FADS2: variants seen among roughly 807,000 people sequenced by gnomAD.
FADS2 encodes the protein fatty acid desaturase 2.
FADS2 carries 18 observed loss-of-function variants against 61.2 expected under a neutral mutation model. The observed-to-expected ratio is 0.29, with a 90% confidence interval of 0.20 to 0.44. FADS2 has a LOEUF of 0.44. Among genes scored for constraint, FADS2 ranks in the 20% least tolerant of loss-of-function variants. The probability of loss-of-function intolerance (pLI) is 1.00; values close to 1 mark genes in which losing one functional copy is unlikely to be tolerated. For synonymous variants in FADS2, 203 were observed against 223.9 expected, an observed-to-expected ratio of 0.91 and a Z score of 0.83; for missense variants, 322 against 572.7, an observed-to-expected ratio of 0.56 and a Z score of 4.47.
intron 6 of FADS2, 126 bp downstream of exon 6, chr11:61,857,197 G>T: frequency 1.2e-6 from 1 of 862,858 alleles, no homozygotes; most frequent in East Asian, 2.5e-5. Context: ...AGAAGCGGGG[G>T]CCACAGCAGC....
chr11:61,829,009 G>T (rs1360418856), intron 1 of FADS2, among the ~76,000 whole-genome samples: 1 of 152,256 alleles, frequency 6.6e-6, no homozygotes, highest in African/African-American at 2.4e-5. Flanking sequence ...GAGCGGGAGC[G>T]CAGGCAGCCA....
Position 61,857,523 on chromosome 11 carries a change from A to G in FADS2, c.875A>G (p.Asn292Ser). The change falls in exon 7 of 12, where the codon AAC (asparagine) becomes AGC (serine). Residue 292 changes from asparagine to serine, a missense_variant. Coordinates refer to ENST00000278840, the MANE Select transcript of FADS2 (RefSeq NM_004265.4). ...ATCATGACCATGATCGTCCATAAGA[A>G]CTGGGTGGTGAGTTGGGGACACAGC... Reference protein sequence around the residue: ...QIIMTMIVHKNWVDLAWAVSY... With the variant: ...QIIMTMIVHKSWVDLAWAVSY... The G allele has an allele frequency of 6.2e-7, 1 of 1,612,980 alleles. No homozygotes were observed. The highest frequency in any genetic ancestry group is 8.5e-7 in the Non-Finnish European group (1 of 1,179,200).
At chr11:61,844,671 A>G (rs538616517) in intron 4 of FADS2, among the ~76,000 whole-genome samples, 16 of 152,102 alleles carry the variant, frequency 1.1e-4, no homozygotes, top group Non-Finnish European at 2.2e-4. Flanking sequence ...CACGCCTGTA[A>G]TCCCAGCACT....
chr11:61,860,200 G>A (rs368882035), intron 7 of FADS2, among the ~76,000 whole-genome samples: 19 of 152,218 alleles, frequency 1.2e-4, no homozygotes, highest in African/African-American at 4.1e-4. Flanking sequence ...TCTGGTGGGC[G>A]TCTAGCCAGG....
chr11:61,838,547 T>C (rs2067193767), intron 2 of FADS2, among the ~76,000 whole-genome samples: 1 of 151,862 alleles, frequency 6.6e-6, no homozygotes, highest in African/African-American at 2.4e-5. Context: ...CTCAGCAAGC[T>C]CTTCCTCCTC....
chr11:61,820,442 G>A (rs767440017), intron 1 of FADS2, among the ~76,000 whole-genome samples: 2 of 152,078 alleles, frequency 1.3e-5, no homozygotes, highest in African/African-American at 4.8e-5. Context: ...ACATGACTTT[G>A]CATTCATGTT....
At chr11:61,853,652 G>C (rs891789767) in intron 5 of FADS2, among the ~76,000 whole-genome samples, 1 of 152,042 alleles carries the variant, frequency 6.6e-6, no homozygotes, top group Non-Finnish European at 1.5e-5. Flanking sequence ...TGGGCTTCCT[G>C]CTTGAGGCAG....
chr11:61,828,466 A>G lies in FADS2; in HGVS notation c.76A>G (p.Ile26Val). Reference protein sequence around the residue: ...VSVPTFSWEEIQKHNLRTDRW... With the variant: ...VSVPTFSWEEVQKHNLRTDRW... ...GGTGCCCACCTTCAGCTGGGAGGAG[A>G]TTCAGAAGCATAACCTGCGCACCGA... The change falls in exon 1 of 12, where the codon ATT becomes GTT. Residue 26 changes from isoleucine (I) to valine (V), a missense_variant. Physicochemically the swap from Ile to Val is conservative, Grantham distance 29. Coordinates refer to ENST00000278840, the MANE Select transcript of FADS2 (RefSeq NM_004265.4). The surrounding 1 kb of genome is among the most constrained non-coding windows in gnomAD (Gnocchi z 6.4). The G allele has an allele frequency of 1.2e-6, 2 of 1,608,174 alleles. No homozygotes were observed. The highest frequency in any genetic ancestry group is 1.7e-6 in the Non-Finnish European group (2 of 1,178,166).
At chr11:61,846,001 C>T (rs745417761) in intron 4 of FADS2, among the ~76,000 whole-genome samples, 1 of 152,154 alleles carries the variant, frequency 6.6e-6, no homozygotes, top group East Asian at 1.9e-4. Context: ...TTGTTTCATG[C>T]CTTGCTCCTC....
At chr11:61,823,112 G>C (rs2067046638) in intron 1 of FADS2, among the ~76,000 whole-genome samples, 1 of 152,192 alleles carries the variant, frequency 6.6e-6, no homozygotes, top group Non-Finnish European at 1.5e-5. Context: ...GTGTCCTACA[G>C]CTCCTTGACC....
At chr11:61,847,082 C>T (rs569195251) in intron 4 of FADS2, 1 of 151,948 alleles carries the variant, frequency 6.6e-6, no homozygotes, top group East Asian at 1.9e-4. Context: ...TACAGGCGCC[C>T]ACAACCACGC....
intron 2 of FADS2, among the ~76,000 whole-genome samples, chr11:61,839,195 C>T (rs2067198544): frequency 6.6e-6 from 1 of 152,202 alleles, no homozygotes; most frequent in South Asian, 2.1e-4. Context: ...CTGCCTGCCT[C>T]AGCTCGCCCT....
At chr11:61,840,252 C>G in intron 2 of FADS2, 82 bp from the exon 3 acceptor site, 6 of 1,175,900 alleles carry the variant, frequency 5.1e-6, no homozygotes, top group Non-Finnish European at 7.6e-6. Flanking sequence ...TGTGCATTGG[C>G]TGTTGAAATG....
Position 61,816,606 on chromosome 11 carries a change from C to A in FADS2, c.141+180C>A, listed in dbSNP as rs1270579336. The A allele has an allele frequency of 4.4e-6, 7 of 1,605,326 alleles. No homozygotes were observed. ...TGATGACCCGGGAGCCCCCTGGATG[C>A]CGGCGGGTGAACTCGCTGATGTTGT... On this transcript the variant is annotated intron_variant, in intron 1 of 11. Transcript: ENST00000257261. The surrounding 1 kb of genome is among the most constrained non-coding windows in gnomAD (Gnocchi z 7.0).
At chr11:61,818,874 A>ATT (rs879309902) in intron 1 of FADS2, among the ~76,000 whole-genome samples, 1 of 146,392 alleles carries the variant, frequency 6.8e-6, no homozygotes, top group Non-Finnish European at 1.5e-5. Flanking sequence ...GAAATTTAAG[A>ATT]TTTTTTTTTT....
At chr11:61,824,392 AAAAGAGAGAG>A (rs2135949313), upstream of FADS2, among the ~76,000 whole-genome samples, 1 of 98,856 alleles carries the variant, frequency 1.0e-5, no homozygotes, top group Non-Finnish European at 2.1e-5. Context: ...GGGGGAAAAA[AAAAGAGAGAG>A]AGAGAGAGAG....
chr11:61,820,224 A>G (rs1170254364), intron 1 of FADS2, among the ~76,000 whole-genome samples: 1 of 151,956 alleles, frequency 6.6e-6, no homozygotes, highest in Non-Finnish European at 1.5e-5. Context: ...CCATTCATTA[A>G]GTGTTTTATT....
intron 2 of FADS2, among the ~76,000 whole-genome samples, chr11:61,838,093 G>A (rs959001360): frequency 2.0e-5 from 3 of 152,170 alleles, no homozygotes; most frequent in African/African-American, 4.8e-5. Flanking sequence ...AACTAGTGGC[G>A]TCTCCTCTCT....
chr11:61,824,468 G>A (rs1288028268), upstream of FADS2, among the ~76,000 whole-genome samples: 7 of 6,092 alleles, frequency 1.1e-3, no homozygotes, highest in South Asian at 0.071. Flanking sequence ...GGGAGAGAGA[G>A]AGAGAGAGAG....
Sources: gnomAD v4.1 joint callset for allele counts (sites outside exome capture counted in the v4.1 genomes callset) on GRCh38, gnomAD v4.1.1 for gene constraint, Gnocchi (gnomAD v3.1) non-coding constraint, MANE v1.5 for transcripts, NCBI Gene and HGNC (gene_info 2026-07-23, HGNC 2026-07-21) for gene names.